The following NDUFAF6 variants were observed in gnomAD, a reference collection of about 807,000 sequenced individuals.
The protein encoded by NDUFAF6 is NADH dehydrogenase (ubiquinone) complex I, assembly factor 6.
In NDUFAF6, 45 loss-of-function variants were observed where a neutral mutation model predicts 40.8. The observed-to-expected ratio is 1.10, with a 90% CI of 0.87 to 1.42. The LOEUF (loss-of-function observed/expected upper bound fraction) is 1.42, where lower values mean the gene tolerates loss of function less well. NDUFAF6 is among the 40% of genes most tolerant of loss of function. The pLI, the probability that NDUFAF6 is intolerant of heterozygous loss-of-function variation, is 0.00. For synonymous variants in NDUFAF6, 185 were observed against 155.9 expected, an observed-to-expected ratio of 1.19 and a Z score of -1.39; for missense variants, 435 against 418.5, an observed-to-expected ratio of 1.04 and a Z score of -0.34.
intron 1 of NDUFAF6, 136 bp downstream of exon 1, chr8:95,025,341 T>A: frequency 1.1e-6 from 1 of 896,050 alleles, no homozygotes; most frequent in Non-Finnish European, 1.5e-6. Flanking sequence ...TGCGTTCTAG[T>A]GGGCGTCGGG....
chr8:94,977,140 GAAAAAA>G (rs999161388), intron 1 of NDUFAF6, among the ~76,000 whole-genome samples: 3 of 66,924 alleles, frequency 4.5e-5, no homozygotes, highest in African/African-American at 6.0e-5. Context: ...CCCTGACTCA[GAAAAAA>G]AAAAAAAAAA....
chr8:94,926,260 C>G (rs947031567), intron 1 of NDUFAF6: 1 of 152,390 alleles, frequency 6.6e-6, no homozygotes, highest in African/African-American at 2.4e-5. Flanking sequence ...CCAAATGTCC[C>G]TTTTGAATTT....
intron 4 of NDUFAF6, 33 bp from the exon 5 acceptor site, chr8:95,045,512 C>A: frequency 6.7e-7 from 1 of 1,495,630 alleles, no homozygotes; most frequent in South Asian, 1.1e-5. Context: ...ATTGACAGTT[C>A]AACAGACTTT....
At chr8:94,978,432 C>T (rs1023847844) in intron 1 of NDUFAF6, among the ~76,000 whole-genome samples, 7 of 152,080 alleles carry the variant, frequency 4.6e-5, no homozygotes, top group African/African-American at 1.4e-4. Flanking sequence ...AGCTGGTAAA[C>T]AGGCCAAGCA....
intron 2 of NDUFAF6, among the ~76,000 whole-genome samples, chr8:94,993,653 T>G (rs1398346964): frequency 6.6e-6 from 1 of 152,172 alleles, no homozygotes; most frequent in Non-Finnish European, 1.5e-5. Context: ...GCCAGTCATT[T>G]GAGTGAGGTC....
rs561710142 is a variant in NDUFAF6 at position 95,068,311 on chromosome 8, A to G, written c.*512-7322A>G. On this transcript the variant is annotated intron_variant and NMD_transcript_variant, in intron 9 of 9. Coordinates refer to the NDUFAF6 transcript ENST00000520757. Reference sequence around the variant, plus strand: ...CAATAGGGAAAAGTATATCTACTCCATCTTCCTGGAAGCAGCACCAGGATA... The same window carrying G: ...CAATAGGGAAAAGTATATCTACTCCGTCTTCCTGGAAGCAGCACCAGGATA... The G allele has an allele frequency of 9.2e-5, 14 of 152,008 alleles. 1 individual carries two copies. Among genetic ancestry groups the G allele is most frequent in the African/African-American group, 3.2e-4 (13 of 41,256 alleles). The allele number at this position is 152,008 out of a possible 1,614,324, so 9.4% of individuals were successfully genotyped here. A position where few individuals can be genotyped will look rare whatever the true frequency, so the allele number is the denominator to read the frequency against.
chr8:94,987,615 A>AG (rs1313292000), intron 2 of NDUFAF6, among the ~76,000 whole-genome samples: 1 of 152,232 alleles, frequency 6.6e-6, no homozygotes, highest in Non-Finnish European at 1.5e-5. Flanking sequence ...TTATTGACAG[A>AG]GACGGTCCTG....
chr8:95,043,647 A>T (rs1830397230), intron 4 of NDUFAF6, among the ~76,000 whole-genome samples: 1 of 152,224 alleles, frequency 6.6e-6, no homozygotes, highest in Non-Finnish European at 1.5e-5. Flanking sequence ...GCATCTTTTC[A>T]TTAGAGAAAT....
chr8:94,933,762 CAAAA>C (rs200405745), intron 1 of NDUFAF6, among the ~76,000 whole-genome samples: 1 of 118,274 alleles, frequency 8.5e-6, no homozygotes, highest in Non-Finnish European at 1.7e-5. Context: ...AAGACTCTCT[CAAAA>C]AAAACCCCCA....
rs368167514 is a variant in NDUFAF6, at chr8:94,941,082, G to A, written c.-935-4401G>A. On this transcript the variant is annotated intron_variant, in intron 1 of 14. Transcript: ENST00000396113. ...TCAACTTAGGTGAAAAGCAAGAAGA[G>A]TCATTGTACCTAAAATAAAACAGAA... is the stretch of plus-strand genomic sequence containing the variant. 42 of 617,222 alleles carry A rather than the reference G, an allele frequency of 6.8e-5. No individual in the cohort carries two copies. In the East Asian group the frequency reaches 1.1e-3, roughly 16 times the overall value. The allele number at this position is 617,222 out of a possible 1,614,324, so 38.2% of individuals were successfully genotyped here.
chr8:94,918,543 A>G (rs922587132), intron 1 of NDUFAF6, among the ~76,000 whole-genome samples: 7 of 152,186 alleles, frequency 4.6e-5, no homozygotes, highest in African/African-American at 7.2e-5. Context: ...ATTGATTTCT[A>G]TGTTATGACA....
intron 1 of NDUFAF6, among the ~76,000 whole-genome samples, chr8:94,936,657 G>A (rs530190766): frequency 6.6e-6 from 1 of 152,276 alleles, no homozygotes; most frequent in Non-Finnish European, 1.5e-5. Context: ...GACTTTTAAA[G>A]GGATGGCTTC....
At chr8:94,913,706 G>A (rs1198409861) in intron 1 of NDUFAF6, among the ~76,000 whole-genome samples, 1 of 152,168 alleles carries the variant, frequency 6.6e-6, no homozygotes, top group African/African-American at 2.4e-5. Flanking sequence ...GGCTAAGGTG[G>A]GAAGATTGCT....
At chr8:94,955,781 A>G (rs1280768100), upstream of NDUFAF6, among the ~76,000 whole-genome samples, 4 of 152,258 alleles carry the variant, frequency 2.6e-5, no homozygotes, top group East Asian at 7.7e-4. Flanking sequence ...AGTAGAAACC[A>G]CAGAGGTGGT....
At chr8:95,004,372 T>TTTC (rs1563783525) in intron 2 of NDUFAF6, among the ~76,000 whole-genome samples, 8 of 140,224 alleles carry the variant, frequency 5.7e-5, no homozygotes, top group African/African-American at 1.8e-4. Flanking sequence ...TTTTTTTTTT[T>TTTC]GAGACCGGGT....
At chr8:94,997,611 G>A (rs1459753938) in intron 2 of NDUFAF6, among the ~76,000 whole-genome samples, 1 of 152,048 alleles carries the variant, frequency 6.6e-6, no homozygotes, top group African/African-American at 2.4e-5. Context: ...TCAATTAGCT[G>A]TCTTATTAAA....
At chr8:94,934,412 G>A in intron 1 of NDUFAF6, among the ~76,000 whole-genome samples, 1 of 149,852 alleles carries the variant, frequency 6.7e-6, no homozygotes. Context: ...TTGAGACAGA[G>A]CCTTGCTTTG....
At position 95,057,699 on chromosome 8, in the gene NDUFAF6, C is replaced by G. The variant is rs77376422; in HGVS notation, c.874-110C>G. 1,022 of 853,752 alleles carry G rather than the reference C, an allele frequency of 1.2e-3. 9 individuals are homozygous for G. In the East Asian group the frequency reaches 0.017, roughly 14 times the overall value. 52.9% of individuals were successfully genotyped at this position (853,752 alleles called of 1,614,324 possible). A position where few individuals can be genotyped will look rare whatever the true frequency, so the allele number is the denominator to read the frequency against. The stretch of plus-strand genomic sequence containing the variant: ...TTCTCACTTAAATAGAAAACCATCT[C>G]AGGGAAACTAAAATAGCCTAAATAC... On this transcript the variant is annotated intron_variant, in intron 8 of 8. Coordinates refer to ENST00000396124, the MANE Select transcript of NDUFAF6 (RefSeq NM_152416.4).
Position 94,936,568 on chromosome 8 carries a change from A to G in NDUFAF6, c.-935-8915A>G, listed in dbSNP as rs562832641. ...ACGCTGTTTTCCTAGCGATGATGGA[A>G]GCCCCTAGGTTTGGGTTTTTACTGA... On this transcript the variant is annotated intron_variant, in intron 1 of 14. Transcript: ENST00000396113. Among the ~76,000 whole-genome samples the G allele has an allele frequency of 6.6e-5, 10 of 152,262 alleles. No homozygotes were observed. The South Asian group carries it at 2.1e-3, about 32-fold the overall frequency.
Sources: gnomAD v4.1 joint callset for allele counts (sites outside exome capture counted in the v4.1 genomes callset) on GRCh38, gnomAD v4.1.1 for gene constraint, MANE v1.5 for transcripts, NCBI Gene and HGNC (gene_info 2026-07-23, HGNC 2026-07-21) for gene names.